PRKN: variants seen among roughly 807,000 people sequenced by gnomAD.
PRKN encodes the protein parkin RBR E3 ubiquitin protein ligase, also known as E3 ubiquitin-protein ligase parkin.
In PRKN, 56 loss-of-function variants were observed where a neutral mutation model predicts 59.5. The observed-to-expected ratio is 0.94, with a 90% CI of 0.76 to 1.18. The LOEUF (loss-of-function observed/expected upper bound fraction) is 1.18, where lower values mean the gene tolerates loss of function less well. Ranked by LOEUF, PRKN falls within the 50% of genes most tolerant of loss-of-function variation. PRKN has a pLI of 0.00. For missense variants in PRKN, 657 were observed against 596.4 expected (o/e 1.10, Z -1.06); for synonymous variants, 250 against 222.1 (o/e 1.13, Z -1.12).
At chr6:161,949,178 A>G (rs922932841) in intron 6 of PRKN, among the ~76,000 whole-genome samples, 1 of 152,208 alleles carries the variant, frequency 6.6e-6, no homozygotes, top group Non-Finnish European at 1.5e-5. Flanking sequence ...CACCAGAAGT[A>G]TCTTCCTAAA....
intron 6 of PRKN, among the ~76,000 whole-genome samples, chr6:161,912,413 AC>A (rs943888317): frequency 1.5e-5 from 2 of 136,102 alleles, no homozygotes; most frequent in East Asian, 2.5e-4. Flanking sequence ...ATGCCCCTGT[AC>A]CCCCCCACCC....
chr6:161,629,065 C>A (rs915867757), intron 7 of PRKN, among the ~76,000 whole-genome samples: 1 of 152,164 alleles, frequency 6.6e-6, no homozygotes, highest in Non-Finnish European at 1.5e-5. Flanking sequence ...GGAAAACCAG[C>A]ACCGAGGAAT....
intron 1 of PRKN, among the ~76,000 whole-genome samples, chr6:162,710,689 A>C (rs1040938933): frequency 1.3e-5 from 2 of 152,106 alleles, no homozygotes; most frequent in African/African-American, 4.8e-5. Flanking sequence ...AGGGCTTTTC[A>C]TGTTCCAGAA....
chr6:161,872,773 A>G (rs1442868437), intron 6 of PRKN, among the ~76,000 whole-genome samples: 5 of 152,008 alleles, frequency 3.3e-5, no homozygotes. Flanking sequence ...CCTCTGCCTC[A>G]GGCTCTGCTT....
intron 1 of PRKN, among the ~76,000 whole-genome samples, chr6:162,667,742 T>G (rs1323292124): frequency 6.6e-6 from 1 of 152,174 alleles, no homozygotes. Flanking sequence ...ATATCTGGAT[T>G]GGAATCTCGA....
chr6:161,567,037 T>TTTTGTG (rs548743646), intron 8 of PRKN, among the ~76,000 whole-genome samples: 134 of 103,784 alleles, frequency 1.3e-3, no homozygotes, highest in African/African-American at 5.0e-3. Context: ...TTTTTTTTTT[T>TTTTGTG]TGTGTGTGTG....
rs376798454 is a variant in PRKN at position 161,883,270 on chromosome 6, G to C, written c.734+90032C>G. Among the ~76,000 whole-genome samples the C allele has an allele frequency of 4.5e-4, 68 of 152,182 alleles. 1 individual carries two copies. The South Asian group carries it at 0.013, about 30-fold the overall frequency. On this transcript the variant is annotated intron_variant, in intron 6 of 11. Coordinates refer to ENST00000366898, the MANE Select transcript of PRKN (RefSeq NM_004562.3). ...TCATCCTAGCACTTTGGGAGGCCAA[G>C]GTGGGCACATCACTTGAGGTCAGGA...
At chr6:161,963,734 A>G (rs960780574) in intron 6 of PRKN, among the ~76,000 whole-genome samples, 1 of 152,236 alleles carries the variant, frequency 6.6e-6, no homozygotes, top group Non-Finnish European at 1.5e-5. Context: ...TCATGTGAAA[A>G]TAGTTTGCTT....
At chr6:161,856,774 C>A (rs986349078) in intron 6 of PRKN, among the ~76,000 whole-genome samples, 1 of 152,062 alleles carries the variant, frequency 6.6e-6, no homozygotes, top group Non-Finnish European at 1.5e-5. Flanking sequence ...TTTCTTTATT[C>A]TTGCTTCCCG....
At chr6:161,902,548 A>ATCTATCTAT in intron 6 of PRKN, among the ~76,000 whole-genome samples, 3 of 60,224 alleles carry the variant, frequency 5.0e-5, no homozygotes, top group African/African-American at 1.4e-4. Flanking sequence ...CTATCTATCT[A>ATCTATCTAT]TTTATTTATT....
chr6:162,344,773 GT>G (rs2128129249), intron 2 of PRKN, among the ~76,000 whole-genome samples: 1 of 152,298 alleles, frequency 6.6e-6, no homozygotes, highest in South Asian at 2.1e-4. Flanking sequence ...TGGGCTGCAG[GT>G]TTGAAAATGG....
rs531688324 is a variant in PRKN at position 162,633,432 on chromosome 6, CAAAAAAA to C, written c.7+94223_7+94229del. 2.7e-4 allele frequency among the ~76,000 whole-genome samples: 17 copies of C among 61,830 alleles called. No individual in the cohort carries two copies. The East Asian group carries it at 5.2e-3, about 19-fold the overall frequency. The allele number at this position is 61,830 out of a possible 152,430, so 40.6% of individuals were successfully genotyped here. A position where few individuals can be genotyped will look rare whatever the true frequency, so the allele number is the denominator to read the frequency against. ...CCTAGGTGACAGAGCAAGACTGTCT[CAAAAAAA>C]AAAAAAAAAAAAAAAAAAAGGATCC... On this transcript the variant is annotated intron_variant, in intron 1 of 11. Coordinates refer to ENST00000366898, the MANE Select transcript of PRKN (RefSeq NM_004562.3).
At chr6:161,621,863 C>T (rs1782914097) in intron 7 of PRKN, among the ~76,000 whole-genome samples, 1 of 152,134 alleles carries the variant, frequency 6.6e-6, no homozygotes, top group African/African-American at 2.4e-5. Context: ...ACACTCACTC[C>T]TAGTATGTTA....
At chr6:162,037,335 A>G (rs962918368) in intron 5 of PRKN, among the ~76,000 whole-genome samples, 3 of 152,220 alleles carry the variant, frequency 2.0e-5, no homozygotes, top group Non-Finnish European at 4.4e-5. Context: ...GTATCTCTTG[A>G]TATGGATAAT....
Position 161,874,882 on chromosome 6 carries a change from ATAT to A in PRKN, c.735-88977_735-88975del, listed in dbSNP as rs1254559890. Among the ~76,000 whole-genome samples the A allele has an allele frequency of 6.1e-4, 66 of 107,426 alleles. 1 individual carries two copies. The highest frequency in any genetic ancestry group is 7.8e-4 in the Non-Finnish European group (48 of 61,242). 70.5% of individuals were successfully genotyped at this position (107,426 alleles called of 152,430 possible). A position where few individuals can be genotyped will look rare whatever the true frequency, so the allele number is the denominator to read the frequency against. On this transcript the variant is annotated intron_variant, in intron 6 of 11. Coordinates refer to ENST00000366898, the MANE Select transcript of PRKN (RefSeq NM_004562.3). Reference sequence around the variant, plus strand: ...ATATATAAAATGTAAAATATAAAATATATAATATATAATATATAATATATATTA... The same window carrying A: ...ATATATAAAATGTAAAATATAAAATAAATATATAATATATAATATATATTA...
chr6:161,552,575 GAAAAAAAACA>G lies in PRKN; in HGVS notation c.934-3582_934-3573del, dbSNP rs1352732075. 5.9e-3 allele frequency among the ~76,000 whole-genome samples: 865 copies of G among 146,092 alleles called. 13 individuals are homozygous for G. The highest frequency in any genetic ancestry group is 0.022 in the African/African-American group (823 of 37,904). ...TGACCTGTCCAAATCCTTCCACATT[GAAAAAAAACA>G]AAAACAAAAAACAAAAAACAAAAAA... On this transcript the variant is annotated intron_variant, in intron 8 of 11. Transcript: ENST00000366898. This position sits in a 1 kb window ranked among gnomAD's most constrained non-coding sequence, Gnocchi z 4.9.
At chr6:162,454,211 G>T (rs1216557342) in intron 1 of PRKN, among the ~76,000 whole-genome samples, 1 of 152,168 alleles carries the variant, frequency 6.6e-6, no homozygotes. Context: ...AAAAATTATT[G>T]TAATTATCAC....
At chr6:161,708,190 A>G (rs1212658733) in intron 7 of PRKN, among the ~76,000 whole-genome samples, 1 of 152,184 alleles carries the variant, frequency 6.6e-6, no homozygotes, top group Non-Finnish European at 1.5e-5. Context: ...GAAATTGTGC[A>G]TACGGCATTG....
At chr6:162,079,189 G>C (rs112267971) in intron 4 of PRKN, among the ~76,000 whole-genome samples, 29 of 152,132 alleles carry the variant, frequency 1.9e-4, no homozygotes, top group African/African-American at 5.8e-4. Flanking sequence ...AGGTCAAGTG[G>C]AAGGTGTAGC....
Sources: allele counts gnomAD v4.1 joint callset (sites outside exome capture counted in the v4.1 genomes callset), GRCh38; gene constraint gnomAD v4.1.1; non-coding constraint Gnocchi (gnomAD v3.1); transcripts MANE v1.5; gene names NCBI Gene and HGNC (gene_info 2026-07-23, HGNC 2026-07-21).